The following NKAIN2 variants were observed in gnomAD, a reference collection of about 807,000 sequenced individuals.
NKAIN2 encodes the protein sodium/potassium transporting ATPase interacting 2.
A neutral mutation model predicts 32.6 loss-of-function variants in NKAIN2; 14 were observed. That is an observed-to-expected ratio of 0.43 (90% CI 0.28 to 0.67). The LOEUF is 0.67. NKAIN2 is among the 30% of genes least tolerant of loss of function. The pLI, the probability that NKAIN2 is intolerant of heterozygous loss-of-function variation, is 0.17. For synonymous variants in NKAIN2, 80 were observed against 87.2 expected, an observed-to-expected ratio of 0.92 and a Z score of 0.46; for missense variants, 198 against 258.3, an observed-to-expected ratio of 0.77 and a Z score of 1.60.
chr6:124,225,322 C>G (rs1342733322), intron 1 of NKAIN2, among the ~76,000 whole-genome samples: 1 of 151,946 alleles, frequency 6.6e-6, no homozygotes, highest in Admixed American at 6.6e-5. Flanking sequence ...CTTTTCTAGT[C>G]ATTTATGATA....
chr6:123,904,677 C>T (rs1476657292), intron 1 of NKAIN2, among the ~76,000 whole-genome samples: 1 of 152,186 alleles, frequency 6.6e-6, no homozygotes, highest in Non-Finnish European at 1.5e-5. Flanking sequence ...ACTCAATGAA[C>T]ATGTCCATGA....
chr6:123,850,394 T>A (rs1277826545), intron 1 of NKAIN2, among the ~76,000 whole-genome samples: 1 of 151,014 alleles, frequency 6.6e-6, no homozygotes, highest in African/African-American at 2.4e-5. Flanking sequence ...ACGTATATAT[T>A]TTTTTCCCCT....
intron 4 of NKAIN2, among the ~76,000 whole-genome samples, chr6:124,722,353 T>C (rs1206457376): frequency 2.6e-5 from 4 of 152,214 alleles, no homozygotes; most frequent in Non-Finnish European, 4.4e-5. Context: ...TGCTAGATGA[T>C]ACAGCATTTT....
rs112789762 is a variant in NKAIN2, at chr6:124,652,036, A to G, written c.274-6150A>G. ...ATCTAGTTTTGTCTTTAAATAATTT[A>G]TTTCTTCTTGGATTTTACTGTATGA... On this transcript the variant is annotated intron_variant, in intron 3 of 6. Transcript: ENST00000368417. Among the ~76,000 whole-genome samples the G allele has an allele frequency of 5.8e-3, 878 of 152,238 alleles. 13 individuals are homozygous for G. Among genetic ancestry groups the G allele is most frequent in the African/African-American group, 0.021 (852 of 41,550 alleles).
chr6:124,612,574 A>AC (rs1272571272), intron 3 of NKAIN2, among the ~76,000 whole-genome samples: 3 of 152,148 alleles, frequency 2.0e-5, no homozygotes, highest in Admixed American at 1.3e-4. Context: ...AAGTCAGTGA[A>AC]CCCCAACTTC....
rs984938869 is a variant in NKAIN2, at chr6:124,105,030, G to A, written c.55-177975G>A. Among the ~76,000 whole-genome samples, 3 of 152,106 alleles carry A rather than the reference G, an allele frequency of 2.0e-5. No homozygotes were observed. In the East Asian group the frequency reaches 5.8e-4, roughly 29 times the overall value. On this transcript the variant is annotated intron_variant, in intron 1 of 6. Coordinates refer to ENST00000368417, the MANE Select transcript of NKAIN2 (RefSeq NM_001040214.3). The stretch of plus-strand genomic sequence containing the variant: ...CATATCTAATTGGATGCGGTTGTGA[G>A]GTACTGTGAAAAAAGCAAGATTATA...
chr6:124,810,840 A>G lies in NKAIN2; in HGVS notation c.536-7547A>G, dbSNP rs79463133. Reference sequence around the variant, plus strand: ...TCGCCTGCTCAAAGCCTTCTGTTGTATAACACTTTAGTGACCTTTCATGCA... The same window carrying G: ...TCGCCTGCTCAAAGCCTTCTGTTGTGTAACACTTTAGTGACCTTTCATGCA... On this transcript the variant is annotated intron_variant, in intron 5 of 6. Transcript: ENST00000368417. Among the ~76,000 whole-genome samples, 552 of 151,750 alleles carry G rather than the reference A, an allele frequency of 3.6e-3. 3 individuals carry two copies. Among genetic ancestry groups the G allele is most frequent in the African/African-American group, 0.013 (532 of 41,378 alleles).
chr6:124,585,705 T>G (rs1781688271), intron 3 of NKAIN2, among the ~76,000 whole-genome samples: 1 of 151,858 alleles, frequency 6.6e-6, no homozygotes, highest in Non-Finnish European at 1.5e-5. Flanking sequence ...TATTAATCAT[T>G]AGGGAAATAT....
At chr6:124,648,602 A>G (rs955584719) in intron 3 of NKAIN2, among the ~76,000 whole-genome samples, 7 of 152,194 alleles carry the variant, frequency 4.6e-5, no homozygotes, top group Admixed American at 2.6e-4. Flanking sequence ...ATGTGCATCA[A>G]GTTCATGGAG....
At chr6:124,706,425 A>G (rs1775067802) in intron 4 of NKAIN2, among the ~76,000 whole-genome samples, 1 of 152,146 alleles carries the variant, frequency 6.6e-6, no homozygotes, top group South Asian at 2.1e-4. Context: ...AATTAAAATA[A>G]GCGACATTTC....
In NKAIN2 at chr6:124,257,083, G is replaced by A. The variant is rs1793984493; in HGVS notation, c.55-25922G>A. 2.0e-5 allele frequency among the ~76,000 whole-genome samples: 3 copies of A among 151,008 alleles called. No individual in the cohort carries two copies. In the East Asian group the frequency reaches 5.8e-4, roughly 29 times the overall value. Reference sequence around the variant, plus strand: ...TTTTGTTTTTATTTTTTTTTCACTAGAGGACAAGTTTCTACACCTCTAATC... The same window carrying A: ...TTTTGTTTTTATTTTTTTTTCACTAAAGGACAAGTTTCTACACCTCTAATC... On this transcript the variant is annotated intron_variant, in intron 1 of 6. Transcript: ENST00000368417.
chr6:124,298,127 G>C (rs1796138427), intron 2 of NKAIN2, among the ~76,000 whole-genome samples: 1 of 152,014 alleles, frequency 6.6e-6, no homozygotes, highest in South Asian at 2.1e-4. Context: ...AAACTCAATA[G>C]CAATAACACC....
chr6:124,464,834 G>A (rs1000883032), intron 3 of NKAIN2, among the ~76,000 whole-genome samples: 5 of 152,056 alleles, frequency 3.3e-5, no homozygotes, highest in African/African-American at 1.2e-4. Flanking sequence ...GCTTAGGATT[G>A]TCTTGGCTAT....
At chr6:124,645,065 C>T (rs1316082746) in intron 3 of NKAIN2, among the ~76,000 whole-genome samples, 1 of 152,002 alleles carries the variant, frequency 6.6e-6, no homozygotes, top group African/African-American at 2.4e-5. Context: ...TATATTTTAT[C>T]CTAAAATACC....
Position 124,567,376 on chromosome 6 carries a change from T to A in NKAIN2, c.274-90810T>A, listed in dbSNP as rs577688675. 5.3e-5 allele frequency among the ~76,000 whole-genome samples: 8 copies of A among 152,348 alleles called. No homozygotes were observed. The South Asian group carries it at 1.7e-3, about 32-fold the overall frequency. ...CACTCTCTATTCATTTCAGTTACTATTTCAAACAAACGATTTCCATTTTTA... is the reference window on the plus strand; with the variant it reads ...CACTCTCTATTCATTTCAGTTACTAATTCAAACAAACGATTTCCATTTTTA... On this transcript the variant is annotated intron_variant, in intron 3 of 6. Transcript: ENST00000368417.
chr6:124,597,370 A>G (rs1173900318), intron 3 of NKAIN2, among the ~76,000 whole-genome samples: 1 of 151,380 alleles, frequency 6.6e-6, no homozygotes, highest in Non-Finnish European at 1.5e-5. Flanking sequence ...TAAAATATTA[A>G]TATTAATATA....
At position 124,818,478 on chromosome 6, in the gene NKAIN2, T is replaced by C. The variant is rs1229060836; in HGVS notation, c.617+10T>C. 1 of 1,429,768 alleles carries C rather than the reference T, an allele frequency of 7.0e-7. No individual in the cohort carries two copies. The highest frequency in any genetic ancestry group is 2.3e-5 in the East Asian group (1 of 43,774). 88.6% of individuals were successfully genotyped at this position (1,429,768 alleles called of 1,614,324 possible). A position where few individuals can be genotyped will look rare whatever the true frequency, so the allele number is the denominator to read the frequency against. On this transcript the variant is annotated intron_variant, in intron 6 of 6. Coordinates refer to ENST00000368417, the MANE Select transcript of NKAIN2 (RefSeq NM_001040214.3). ...TACAGCCTATGTACATGTAAGTATTTTACTTGGAAGGTACTCTTCTGGGGT... is the reference window on the plus strand; with the variant it reads ...TACAGCCTATGTACATGTAAGTATTCTACTTGGAAGGTACTCTTCTGGGGT...
chr6:124,707,418 T>G (rs1451175364), intron 4 of NKAIN2, among the ~76,000 whole-genome samples: 2 of 151,142 alleles, frequency 1.3e-5, no homozygotes, highest in Non-Finnish European at 2.9e-5. Context: ...ATGGCCACAC[T>G]GACTTCCACA....
chr6:124,208,842 A>G (rs952696546), intron 1 of NKAIN2, among the ~76,000 whole-genome samples: 3 of 151,600 alleles, frequency 2.0e-5, no homozygotes, highest in Non-Finnish European at 2.9e-5. Flanking sequence ...TTATGGATGC[A>G]TAATAGTTGT....
Sources: gnomAD v4.1 joint callset for allele counts (sites outside exome capture counted in the v4.1 genomes callset) on GRCh38, gnomAD v4.1.1 for gene constraint, MANE v1.5 for transcripts, NCBI Gene and HGNC (gene_info 2026-07-23, HGNC 2026-07-21) for gene names.